RALGAPA1: variants seen among roughly 807,000 people sequenced by gnomAD.
The protein encoded by RALGAPA1 is ral GTPase-activating protein subunit alpha-1.
RALGAPA1 carries 52 observed loss-of-function variants against 269.6 expected under a neutral mutation model. The observed-to-expected ratio is 0.19, with a 90% CI of 0.15 to 0.24. The LOEUF (loss-of-function observed/expected upper bound fraction) is 0.24, where lower values mean the gene tolerates loss of function less well. Ranked by LOEUF, RALGAPA1 falls within the 10% of genes least tolerant of loss-of-function variation. The probability of loss-of-function intolerance (pLI) is 1.00; values close to 1 mark genes in which losing one functional copy is unlikely to be tolerated. For synonymous variants in RALGAPA1, 817 were observed against 1,008.3 expected, an observed-to-expected ratio of 0.81 and a Z score of 3.60; for missense variants, 1,917 against 3,013.9, an observed-to-expected ratio of 0.64 and a Z score of 8.52.
chr14:35,595,094 A>C (rs1426332719), intron 37 of RALGAPA1, among the ~76,000 whole-genome samples: 1 of 152,010 alleles, frequency 6.6e-6, no homozygotes, highest in Non-Finnish European at 1.5e-5. Context: ...TCTAAAAAAA[A>C]AAAACAAAGG....
chr14:35,562,785 G>A (rs1300675791), intron 39 of RALGAPA1, among the ~76,000 whole-genome samples: 1 of 151,976 alleles, frequency 6.6e-6, no homozygotes, highest in African/African-American at 2.4e-5. Flanking sequence ...ACTTTGGGAG[G>A]CTGAGGTGGG....
intron 41 of RALGAPA1, among the ~76,000 whole-genome samples, chr14:35,544,304 A>C (rs1014094706): frequency 1.2e-4 from 18 of 152,200 alleles, no homozygotes; most frequent in Admixed American, 8.5e-4. Context: ...GTTATTGGGC[A>C]ATATCTCTCT....
chr14:35,665,231 A>T (rs2063833707), intron 26 of RALGAPA1, among the ~76,000 whole-genome samples: 1 of 152,224 alleles, frequency 6.6e-6, no homozygotes, highest in Admixed American at 6.5e-5. Flanking sequence ...GATATTATGC[A>T]CATAAGAAAA....
chr14:35,576,142 T>C (rs138023677), intron 37 of RALGAPA1, among the ~76,000 whole-genome samples: 3 of 152,350 alleles, frequency 2.0e-5, no homozygotes, highest in Non-Finnish European at 4.4e-5. Context: ...TTGTCTCAGT[T>C]TACTAATATT....
intron 7 of RALGAPA1, among the ~76,000 whole-genome samples, chr14:35,753,666 T>C (rs998029041): frequency 3.9e-5 from 6 of 152,100 alleles, no homozygotes; most frequent in Admixed American, 3.9e-4. Flanking sequence ...AATCAATTCA[T>C]GTTTGCCATA....
At chr14:35,619,514 G>A (rs1233858096) in intron 35 of RALGAPA1, among the ~76,000 whole-genome samples, 7 of 152,186 alleles carry the variant, frequency 4.6e-5, no homozygotes, top group African/African-American at 1.7e-4. Context: ...AGAACTGAAA[G>A]AGATAAGAGA....
chr14:35,722,413 A>G (rs190044243), intron 15 of RALGAPA1, among the ~76,000 whole-genome samples: 32 of 152,302 alleles, frequency 2.1e-4, no homozygotes, highest in Admixed American at 6.5e-4. Context: ...GGAGTTCAAG[A>G]CTAGCCTGGG....
intron 9 of RALGAPA1, among the ~76,000 whole-genome samples, chr14:35,749,855 G>C (rs2072505157): frequency 6.6e-6 from 1 of 151,894 alleles, no homozygotes; most frequent in South Asian, 2.1e-4. Context: ...CATAGTTTAA[G>C]ATTTTAAAAA....
intron 1 of RALGAPA1, chr14:35,808,030 C>G (rs2077496530): frequency 6.6e-6 from 1 of 152,120 alleles, no homozygotes; most frequent in Non-Finnish European, 1.5e-5. Flanking sequence ...ACTAAGTATT[C>G]AAAAGAGTCG....
chr14:35,729,594 G>T (rs1232977062), intron 12 of RALGAPA1, among the ~76,000 whole-genome samples: 1 of 152,076 alleles, frequency 6.6e-6, no homozygotes, highest in East Asian at 1.9e-4. Flanking sequence ...CTGTCTAGGA[G>T]AATAGTATTT....
At chr14:35,600,338 C>T (rs2059221728) in intron 36 of RALGAPA1, among the ~76,000 whole-genome samples, 1 of 149,392 alleles carries the variant, frequency 6.7e-6, no homozygotes, top group Non-Finnish European at 1.5e-5. Context: ...TCAAGCAATC[C>T]TCCCATCTCA....
At chr14:35,680,935 T>C (rs901853020) in intron 21 of RALGAPA1, among the ~76,000 whole-genome samples, 1 of 152,172 alleles carries the variant, frequency 6.6e-6, no homozygotes, top group Non-Finnish European at 1.5e-5. Context: ...TAAAAATCTA[T>C]AATGGCTCAC....
chr14:35,778,166 T>G (rs896972680), intron 1 of RALGAPA1, among the ~76,000 whole-genome samples: 1 of 151,846 alleles, frequency 6.6e-6, no homozygotes, highest in African/African-American at 2.4e-5. Context: ...GTTCAAGCAA[T>G]CCTCCCACCT....
At chr14:35,650,836 C>G (rs923747007) in intron 31 of RALGAPA1, among the ~76,000 whole-genome samples, 1 of 152,068 alleles carries the variant, frequency 6.6e-6, no homozygotes, top group Non-Finnish European at 1.5e-5. Flanking sequence ...TCTAGAGCAG[C>G]CTTGTCTAAC....
intron 39 of RALGAPA1, among the ~76,000 whole-genome samples, chr14:35,569,992 G>C (rs2139432999): frequency 6.6e-6 from 1 of 152,224 alleles, no homozygotes; most frequent in East Asian, 1.9e-4. Context: ...AAAGAGGGCT[G>C]GGTGCAGTGG....
At chr14:35,648,476 AAAAG>A (rs1313904679) in intron 31 of RALGAPA1, among the ~76,000 whole-genome samples, 5 of 151,408 alleles carry the variant, frequency 3.3e-5, no homozygotes, top group African/African-American at 1.2e-4. Context: ...AAAAAAAAAA[AAAAG>A]AAGAAGAAGA....
Position 35,612,608 on chromosome 14 carries a change from G to A in RALGAPA1, c.6930-6899C>T, listed in dbSNP as rs527316138. On this transcript the variant is annotated intron_variant, in intron 35 of 41. Transcript: ENST00000680220. ...GGCTGGAGTGCAGTGGCGCAATCTCGGCTCACTGCAAGCTCCGCTTCCCAG... is the reference window on the plus strand; with the variant it reads ...GGCTGGAGTGCAGTGGCGCAATCTCAGCTCACTGCAAGCTCCGCTTCCCAG... Among the ~76,000 whole-genome samples the A allele has an allele frequency of 2.2e-3, 321 of 149,034 alleles. 4 individuals are homozygous for A. Among genetic ancestry groups the A allele is most frequent in the African/African-American group, 7.6e-3 (308 of 40,526 alleles).
intron 4 of RALGAPA1, chr14:35,765,791 C>T: frequency 2.1e-6 from 1 of 483,102 alleles, no homozygotes; most frequent in South Asian, 2.2e-5. Context: ...CCACTACAGC[C>T]AGCCAAAAAT....
intron 13 of RALGAPA1, among the ~76,000 whole-genome samples, chr14:35,726,937 A>G (rs2069977740): frequency 6.6e-6 from 1 of 152,172 alleles, no homozygotes; most frequent in Admixed American, 6.5e-5. Context: ...TATCTGTATC[A>G]TAGGGTGCTG....
Sources: gnomAD v4.1 joint callset for allele counts (sites outside exome capture counted in the v4.1 genomes callset) on GRCh38, gnomAD v4.1.1 for gene constraint, MANE v1.5 for transcripts, NCBI Gene and HGNC (gene_info 2026-07-23, HGNC 2026-07-21) for gene names.